LARGE1: variants seen among roughly 807,000 people sequenced by gnomAD.
LARGE1 encodes xylosyl- and glucuronyltransferase LARGE1.
In LARGE1, 43 loss-of-function variants were observed where a neutral mutation model predicts 87.6. The observed-to-expected ratio is 0.49, with a 90% CI of 0.38 to 0.63. The LOEUF is 0.63. LARGE1 is among the 30% of genes least tolerant of loss of function. The pLI, the probability that LARGE1 is intolerant of heterozygous loss-of-function variation, is 0.00. For synonymous variants in LARGE1, 434 were observed against 394.6 expected (o/e 1.10, Z -1.18); for missense variants, 802 against 1,000.2 (o/e 0.80, Z 2.67).
rs552376055 is a variant in LARGE1, at chr22:33,471,486, C to T, written c.788-39221G>A. Among the ~76,000 whole-genome samples the T allele has an allele frequency of 9.1e-4, 139 of 152,254 alleles. 2 individuals are homozygous for T. The highest frequency in any genetic ancestry group is 3.4e-3 in the Middle Eastern group (1 of 294). On this transcript the variant is annotated intron_variant, in intron 6 of 14. Transcript: ENST00000397394. ...GCATCTGCTCAATTTTCCGATGTGGCTCTTCACTAATTTCTTATGGTCTCT... is the reference window on the plus strand; with the variant it reads ...GCATCTGCTCAATTTTCCGATGTGGTTCTTCACTAATTTCTTATGGTCTCT...
At chr22:33,816,839 A>G (rs2086668166) in intron 1 of LARGE1, among the ~76,000 whole-genome samples, 1 of 152,120 alleles carries the variant, frequency 6.6e-6, no homozygotes, top group African/African-American at 2.4e-5. Context: ...CGCAGTGTTC[A>G]TTCTCAATCA....
At chr22:33,360,666 C>G (rs1009071369) in intron 9 of LARGE1, among the ~76,000 whole-genome samples, 1 of 149,666 alleles carries the variant, frequency 6.7e-6, no homozygotes, top group Non-Finnish European at 1.5e-5. Flanking sequence ...GATTACACTT[C>G]AACATGAGAT....
At chr22:33,774,156 C>T (rs1368719390) in intron 1 of LARGE1, among the ~76,000 whole-genome samples, 1 of 152,054 alleles carries the variant, frequency 6.6e-6, no homozygotes, top group African/African-American at 2.4e-5. Flanking sequence ...TTGAAGGGAC[C>T]ATATCCATTT....
rs545043106 is a variant in LARGE1 at position 33,293,372 on chromosome 22, A to G, written c.1731-10024T>C. On this transcript the variant is annotated intron_variant, in intron 12 of 14. Coordinates refer to ENST00000397394, the MANE Select transcript of LARGE1 (RefSeq NM_133642.5). ...TACTCATATTTTCAGTTTAATGATA[A>G]AGATATTAAAGTTCTGAGAGGTTAA... Among the ~76,000 whole-genome samples, 8 of 152,344 alleles carry G rather than the reference A, an allele frequency of 5.3e-5. No homozygotes were observed. The South Asian group carries it at 6.2e-4, about 12-fold the overall frequency.
intron 6 of LARGE1, among the ~76,000 whole-genome samples, chr22:33,549,422 C>T (rs1036319753): frequency 1.3e-5 from 2 of 152,156 alleles, no homozygotes; most frequent in Non-Finnish European, 2.9e-5. Context: ...GAGGGAAGAC[C>T]ATAAATTCTA....
At chr22:33,672,707 A>G (rs1353493020) in intron 2 of LARGE1, among the ~76,000 whole-genome samples, 1 of 152,242 alleles carries the variant, frequency 6.6e-6, no homozygotes, top group African/African-American at 2.4e-5. Context: ...GCTGACATGT[A>G]AAAACTCAAT....
chr22:33,096,706 G>A, the LARGE1 span, among the ~76,000 whole-genome samples: 192 of 151,738 alleles, frequency 1.3e-3, no homozygotes, highest in African/African-American at 4.2e-3. Context: ...GTGGGACTAC[G>A]GGCGCCCGCC....
intron 1 of LARGE1, among the ~76,000 whole-genome samples, chr22:33,792,115 G>A (rs755711836): frequency 1.1e-4 from 16 of 152,116 alleles, no homozygotes; most frequent in Non-Finnish European, 1.9e-4. Flanking sequence ...AAAACAGAAC[G>A]CACTATGGCC....
Position 33,304,378 on chromosome 22 carries a change from G to A in LARGE1, c.1581C>T (p.His527=). 1 of 1,614,272 alleles carries A rather than the reference G, an allele frequency of 6.2e-7. No homozygotes were observed. The highest frequency in any genetic ancestry group is 8.5e-7 in the Non-Finnish European group (1 of 1,180,048). The change falls in exon 12 of 15, where the codon CAC becomes CAT. Residue 527 remains histidine, a synonymous_variant. Transcript: ENST00000397394. ...AQGSEVLMSR[H]NVGYHIVYKE... Reference sequence around the variant, plus strand: ...TGTACACGATGTGGTAGCCCACGTTGTGGCGGCTCATAAGCACCTCAGAGC... The same window carrying A: ...TGTACACGATGTGGTAGCCCACGTTATGGCGGCTCATAAGCACCTCAGAGC...
the LARGE1 span, among the ~76,000 whole-genome samples, chr22:33,080,827 C>T: frequency 6.6e-6 from 1 of 152,168 alleles, no homozygotes; most frequent in African/African-American, 2.4e-5. Context: ...GGCACTGAAC[C>T]TCGGTTCAGT....
At chr22:33,814,636 C>A (rs571581453) in intron 1 of LARGE1, among the ~76,000 whole-genome samples, 1 of 152,144 alleles carries the variant, frequency 6.6e-6, no homozygotes, top group Non-Finnish European at 1.5e-5. Context: ...CATTTTCTGC[C>A]CAAGAGTCCA....
At chr22:33,334,295 C>A (rs1938131944) in intron 10 of LARGE1, among the ~76,000 whole-genome samples, 1 of 151,066 alleles carries the variant, frequency 6.6e-6, no homozygotes, top group Non-Finnish European at 1.5e-5. Flanking sequence ...GCACCTGTAG[C>A]CCTGGCTACT....
intron 6 of LARGE1, among the ~76,000 whole-genome samples, chr22:33,487,913 T>G (rs1449702309): frequency 6.6e-6 from 1 of 152,238 alleles, no homozygotes; most frequent in Non-Finnish European, 1.5e-5. Flanking sequence ...TATCATTTAT[T>G]AAGCATTAAC....
At chr22:33,718,256 G>A (rs140404553) in intron 2 of LARGE1, among the ~76,000 whole-genome samples, 111 of 152,286 alleles carry the variant, frequency 7.3e-4, no homozygotes, top group African/African-American at 2.3e-3. Context: ...CCTGCTCTGA[G>A]AACCCCCGGC....
chr22:33,556,167 G>T (rs1407556691), intron 6 of LARGE1, among the ~76,000 whole-genome samples: 1 of 151,878 alleles, frequency 6.6e-6, no homozygotes, highest in Non-Finnish European at 1.5e-5. Context: ...TCCCTTTCAA[G>T]AGACTTTCTA....
At chr22:33,096,078 C>T in the LARGE1 span, among the ~76,000 whole-genome samples, 1 of 152,106 alleles carries the variant, frequency 6.6e-6, no homozygotes, top group African/African-American at 2.4e-5. Flanking sequence ...CCACTTCCTC[C>T]ACTCTGTTTT....
chr22:33,318,743 A>G (rs2146332284), intron 10 of LARGE1, among the ~76,000 whole-genome samples: 1 of 152,042 alleles, frequency 6.6e-6, no homozygotes, highest in Non-Finnish European at 1.5e-5. Flanking sequence ...AACTTAAAGT[A>G]TATTAAAAAA....
chr22:33,172,372 T>A (rs979430854), intron 11 of LARGE1, among the ~76,000 whole-genome samples: 3 of 152,132 alleles, frequency 2.0e-5, no homozygotes, highest in African/African-American at 7.2e-5. Context: ...AAATGGTGGT[T>A]TCTCCCATGC....
At chr22:33,213,865 G>T (rs1376240035) in intron 11 of LARGE1, among the ~76,000 whole-genome samples, 1 of 150,788 alleles carries the variant, frequency 6.6e-6, no homozygotes, top group Non-Finnish European at 1.5e-5. Context: ...CACTCTGTCT[G>T]TCCCCCAGGC....
Sources: gnomAD v4.1 joint callset for allele counts (sites outside exome capture counted in the v4.1 genomes callset) on GRCh38, gnomAD v4.1.1 for gene constraint, MANE v1.5 for transcripts, NCBI Gene and HGNC (gene_info 2026-07-23, HGNC 2026-07-21) for gene names.